Variants in SLX4IP observed in about 807,000 individuals in gnomAD.
SLX4IP encodes the protein SLX4 interacting protein.
SLX4IP carries 34 observed loss-of-function variants against 32.9 expected under a neutral mutation model. The ratio of observed to expected loss-of-function variants is 1.03; its 90% CI spans 0.79 to 1.38. SLX4IP has a LOEUF of 1.38. Ranked by LOEUF, SLX4IP falls within the 40% of genes most tolerant of loss-of-function variation. The pLI, the probability that SLX4IP is intolerant of heterozygous loss-of-function variation, is 0.00. For synonymous variants in SLX4IP, 172 were observed against 171.7 expected (o/e 1.00, Z -0.01); for missense variants, 444 against 479.0 (o/e 0.93, Z 0.68).
intron 2 of SLX4IP, among the ~76,000 whole-genome samples, chr20:10,459,628 T>C (rs1448254908): frequency 1.3e-5 from 2 of 152,262 alleles, no homozygotes; most frequent in Non-Finnish European, 2.9e-5. Context: ...GATAAAAGGT[T>C]GAAGCAAAAG....
rs568769360 is a variant in SLX4IP at position 10,601,663 on chromosome 20, C to G, written c.317-68C>G. 654 of 1,343,944 alleles carry G rather than the reference C, an allele frequency of 4.9e-4. 4 individuals carry two copies. The highest frequency in any genetic ancestry group is 1.0e-3 in the Middle Eastern group (5 of 4,966). 83.3% of individuals were successfully genotyped at this position (1,343,944 alleles called of 1,614,324 possible). A position where few individuals can be genotyped will look rare whatever the true frequency, so the allele number is the denominator to read the frequency against. On this transcript the variant is annotated intron_variant, in intron 5 of 7. Coordinates refer to ENST00000334534, the MANE Select transcript of SLX4IP (RefSeq NM_001009608.3). ...GCAGTAACTTAAAATGAACAAAAAT[C>G]TGGAACAACCATTCTGTGTTTATAG... is the stretch of plus-strand genomic sequence containing the variant.
At chr20:10,514,163 C>T (rs1325656574) in intron 2 of SLX4IP, among the ~76,000 whole-genome samples, 2 of 152,070 alleles carry the variant, frequency 1.3e-5, no homozygotes, top group East Asian at 1.9e-4. Flanking sequence ...GGTTTGGTTA[C>T]AAAACTCTAC....
chr20:10,439,077 G>A (rs1163776538), intron 1 of SLX4IP, among the ~76,000 whole-genome samples: 12 of 151,948 alleles, frequency 7.9e-5, no homozygotes, highest in South Asian at 4.2e-4. Flanking sequence ...ATTACTCAGC[G>A]GTATTCCATT....
chr20:10,549,267 G>A (rs866347204), intron 2 of SLX4IP, among the ~76,000 whole-genome samples: 2 of 151,876 alleles, frequency 1.3e-5, no homozygotes, highest in South Asian at 2.1e-4. Flanking sequence ...CTCCCACCTC[G>A]TTCTTTCTAC....
At chr20:10,619,994 T>C (rs1235029635) in intron 6 of SLX4IP, among the ~76,000 whole-genome samples, 6 of 152,158 alleles carry the variant, frequency 3.9e-5, no homozygotes, top group African/African-American at 4.8e-5. Context: ...ATAGGCACAA[T>C]TGAAGAGTGT....
chr20:10,501,124 A>T (rs677673), intron 2 of SLX4IP, among the ~76,000 whole-genome samples: 31,321 of 152,170 alleles, frequency 0.21, 3,720 homozygotes, highest in East Asian at 0.27. Flanking sequence ...CATATGAAGC[A>T]CAAGTTTAGC....
intron 1 of SLX4IP, among the ~76,000 whole-genome samples, chr20:10,440,654 CT>C (rs2065153673): frequency 1.3e-5 from 2 of 152,126 alleles, no homozygotes; most frequent in Admixed American, 6.5e-5. Context: ...CTTTGTAGTA[CT>C]CCTTACCCCT....
At chr20:10,511,719 C>G (rs1298291636) in intron 2 of SLX4IP, among the ~76,000 whole-genome samples, 1 of 152,260 alleles carries the variant, frequency 6.6e-6, no homozygotes, top group African/African-American at 2.4e-5. Context: ...GGTGGCCAGA[C>G]TGAGAGCAGA....
rs1355487239 is a variant in SLX4IP, at chr20:10,564,106, C to T, written c.238+3286C>T. Among the ~76,000 whole-genome samples, 4 of 108,176 alleles carry T rather than the reference C, an allele frequency of 3.7e-5. No homozygotes were observed. In the South Asian group the frequency reaches 8.8e-4, roughly 24 times the overall value. The allele number at this position is 108,176 out of a possible 152,430, so 71.0% of individuals were successfully genotyped here. On this transcript the variant is annotated intron_variant, in intron 4 of 7. Coordinates refer to ENST00000334534, the MANE Select transcript of SLX4IP (RefSeq NM_001009608.3). ...TTCTAGGCTGTGTAGATCTAGACACCTGCAGGGACAAGAGGGACACGCCAT... is the reference window on the plus strand; with the variant it reads ...TTCTAGGCTGTGTAGATCTAGACACTTGCAGGGACAAGAGGGACACGCCAT...
At chr20:10,567,617 T>C (rs1484502207) in intron 4 of SLX4IP, among the ~76,000 whole-genome samples, 1 of 152,238 alleles carries the variant, frequency 6.6e-6, no homozygotes, top group Non-Finnish European at 1.5e-5. Flanking sequence ...CACAATAGAC[T>C]AAGACAGGGC....
At chr20:10,510,241 G>C (rs1412367756) in intron 2 of SLX4IP, among the ~76,000 whole-genome samples, 1 of 151,914 alleles carries the variant, frequency 6.6e-6, no homozygotes, top group Non-Finnish European at 1.5e-5. Flanking sequence ...GAGGCTGTGT[G>C]CCGTCCATGC....
At position 10,598,660 on chromosome 20, in the gene SLX4IP, C is replaced by T; in HGVS notation, c.239-15C>T. 2 of 1,612,778 alleles carry T rather than the reference C, an allele frequency of 1.2e-6. No homozygotes were observed. Among genetic ancestry groups the T allele is most frequent in the Non-Finnish European group, 1.7e-6 (2 of 1,178,788 alleles). On this transcript the variant is annotated splice_polypyrimidine_tract_variant and intron_variant, in intron 4 of 7. Coordinates refer to ENST00000334534, the MANE Select transcript of SLX4IP (RefSeq NM_001009608.3). ...AAACAAACTTAACTTAGTGATGTTC[C>T]CTTTCACTTTCCAGGTTATGGCTTT...
chr20:10,515,500 T>G (rs1204056200), intron 2 of SLX4IP, among the ~76,000 whole-genome samples: 1 of 152,254 alleles, frequency 6.6e-6, no homozygotes, highest in Non-Finnish European at 1.5e-5. Context: ...TAAAGTCCTA[T>G]AATGTAATTA....
At chr20:10,437,451 CAG>C (rs1467300048) in intron 1 of SLX4IP, among the ~76,000 whole-genome samples, 4 of 152,198 alleles carry the variant, frequency 2.6e-5, no homozygotes, top group Non-Finnish European at 5.9e-5. Flanking sequence ...TATGAGAAAA[CAG>C]AAACAACTTT....
At chr20:10,479,879 C>T (rs1305342070) in intron 2 of SLX4IP, among the ~76,000 whole-genome samples, 1 of 151,734 alleles carries the variant, frequency 6.6e-6, no homozygotes, top group African/African-American at 2.4e-5. Flanking sequence ...TGGTGGGTGC[C>T]TGTAATCCCA....
intron 2 of SLX4IP, among the ~76,000 whole-genome samples, chr20:10,501,294 A>G (rs1219462688): frequency 6.6e-6 from 1 of 152,140 alleles, no homozygotes; most frequent in Non-Finnish European, 1.5e-5. Context: ...CTATACTCCA[A>G]AAGAAACTAA....
chr20:10,480,205 CA>C lies in SLX4IP; in HGVS notation c.27+21976del, dbSNP rs534408711. Among the ~76,000 whole-genome samples the C allele has an allele frequency of 4.6e-3, 697 of 152,232 alleles. 4 individuals carry two copies. The highest frequency in any genetic ancestry group is 0.016 in the African/African-American group (661 of 41,542). On this transcript the variant is annotated intron_variant, in intron 2 of 7. Coordinates refer to ENST00000334534, the MANE Select transcript of SLX4IP (RefSeq NM_001009608.3). ...CCCAGGAGTCTGAGACCAGCCTGGG[CA>C]ACACGGTGAAATCCTGTCTCTACAA...
chr20:10,519,779 A>G (rs537993711), intron 2 of SLX4IP, among the ~76,000 whole-genome samples: 1 of 152,304 alleles, frequency 6.6e-6, no homozygotes, highest in African/African-American at 2.4e-5. Context: ...TCTGTGTTTA[A>G]CTTTTTGGGG....
chr20:10,517,524 G>T (rs1259318754), intron 2 of SLX4IP, among the ~76,000 whole-genome samples: 2 of 152,234 alleles, frequency 1.3e-5, no homozygotes, highest in Non-Finnish European at 2.9e-5. Context: ...TGAGTTAGAA[G>T]GTCAGGCTCT....
Sources: allele counts gnomAD v4.1 joint callset (sites outside exome capture counted in the v4.1 genomes callset), GRCh38; gene constraint gnomAD v4.1.1; transcripts MANE v1.5; gene names NCBI Gene and HGNC (gene_info 2026-07-23, HGNC 2026-07-21).